SH3D19: variants seen among roughly 807,000 people sequenced by gnomAD.
The protein encoded by SH3D19 is SH3 domain containing 19, also known as SH3 domain-containing protein 19.
Under a neutral mutation model 112.1 loss-of-function variants are expected in SH3D19, and 58 were observed. The ratio of observed to expected loss-of-function variants is 0.52; its 90% CI spans 0.42 to 0.64. The LOEUF (loss-of-function observed/expected upper bound fraction) is 0.64. Among genes scored for constraint, SH3D19 ranks in the 30% least tolerant of loss-of-function variants. SH3D19 has a pLI of 0.00. For synonymous variants in SH3D19, 391 were observed against 448.5 expected, an observed-to-expected ratio of 0.87 and a Z score of 1.62; for missense variants, 1,090 against 1,263.4, an observed-to-expected ratio of 0.86 and a Z score of 2.08.
chr4:151,279,110 T>C (rs1773926325), intron 1 of SH3D19: 1 of 433,978 alleles, frequency 2.3e-6, no homozygotes, highest in South Asian at 1.8e-5. Context: ...GGCCCAAGTA[T>C]AGGCTGACCT....
intron 2 of SH3D19, among the ~76,000 whole-genome samples, chr4:151,211,578 A>T (rs919471232): frequency 4.6e-5 from 1 of 21,946 alleles, no homozygotes; most frequent in Non-Finnish European, 1.2e-3. Context: ...TCTGTTAATT[A>T]AAAAAAAAAA....
In SH3D19 at chr4:151,202,131, C is replaced by T. The variant is rs1019977616; in HGVS notation, c.153-14668G>A. Among the ~76,000 whole-genome samples, 154 of 152,136 alleles carry T rather than the reference C, an allele frequency of 1.0e-3. 2 individuals carry two copies. Among genetic ancestry groups the T allele is most frequent in the Admixed American group, 9.2e-3 (141 of 15,272 alleles). ...CAGGTGGATCACGAGGTCAGGAGAT[C>T]GAGACCATCCTGGTTAACACGGTGA... is the stretch of plus-strand genomic sequence containing the variant. On this transcript the variant is annotated intron_variant, in intron 2 of 19. Coordinates refer to ENST00000604030, the MANE Select transcript of SH3D19 (RefSeq NM_001378122.1).
chr4:151,197,249 C>A (rs903324248), intron 2 of SH3D19, among the ~76,000 whole-genome samples: 1 of 152,152 alleles, frequency 6.6e-6, no homozygotes, highest in African/African-American at 2.4e-5. Context: ...ACATCTAATG[C>A]CTATGCTATT....
At chr4:151,245,051 G>A (rs376257668) in intron 1 of SH3D19, among the ~76,000 whole-genome samples, 2 of 151,996 alleles carry the variant, frequency 1.3e-5, no homozygotes, top group East Asian at 3.9e-4. Flanking sequence ...GGCTGAAGCA[G>A]GAAAATCATT....
chr4:151,203,284 T>C (rs989961480), intron 2 of SH3D19, among the ~76,000 whole-genome samples: 6 of 152,132 alleles, frequency 3.9e-5, no homozygotes, highest in East Asian at 1.9e-4. Context: ...GCAGTGGGGA[T>C]TGGGGCTACT....
At chr4:151,253,462 C>A (rs982654063) in intron 1 of SH3D19, among the ~76,000 whole-genome samples, 1 of 152,182 alleles carries the variant, frequency 6.6e-6, no homozygotes, top group South Asian at 2.1e-4. Context: ...ACTTGTTGGC[C>A]GGGCACAGTG....
intron 1 of SH3D19, among the ~76,000 whole-genome samples, chr4:151,248,604 T>C (rs1312355170): frequency 3.9e-5 from 6 of 152,170 alleles, no homozygotes; most frequent in Non-Finnish European, 7.3e-5. Context: ...TCTAAGAGTA[T>C]TGGAAAAATT....
chr4:151,220,401 GTTCT>G (rs1767832422), intron 2 of SH3D19, among the ~76,000 whole-genome samples: 1 of 152,086 alleles, frequency 6.6e-6, no homozygotes, highest in Non-Finnish European at 1.5e-5. Context: ...TAGATTTAAG[GTTCT>G]TTGTTTTGCC....
intron 6 of SH3D19, among the ~76,000 whole-genome samples, chr4:151,176,081 A>G (rs1759918805): frequency 6.6e-6 from 1 of 152,158 alleles, no homozygotes; most frequent in Non-Finnish European, 1.5e-5. Context: ...CATGTTGCCC[A>G]GGCTGGTCTC....
intron 19 of SH3D19, among the ~76,000 whole-genome samples, chr4:151,123,531 C>T (rs537739801): frequency 3.9e-4 from 60 of 152,238 alleles, no homozygotes; most frequent in African/African-American, 1.3e-3. Flanking sequence ...GGCACGATCT[C>T]GGCTCACTGC....
intron 1 of SH3D19, among the ~76,000 whole-genome samples, chr4:151,255,163 G>A (rs1405031043): frequency 9.9e-5 from 15 of 151,602 alleles, no homozygotes; most frequent in South Asian, 4.2e-4. Flanking sequence ...GGTGGCTGCC[G>A]GGCGGAGACG....
At chr4:151,139,978 A>AACC in intron 12 of SH3D19, 131 bp from the exon 13 acceptor site, 1 of 667,404 alleles carries the variant, frequency 1.5e-6, no homozygotes, top group Non-Finnish European at 2.6e-6. Flanking sequence ...ACATGATGCA[A>AACC]ACCACACAGT....
chr4:151,124,151 G>A (rs930715910), intron 19 of SH3D19, among the ~76,000 whole-genome samples: 10 of 150,996 alleles, frequency 6.6e-5, no homozygotes, highest in East Asian at 3.9e-4. Flanking sequence ...TTGTTGCCCC[G>A]GCTGGAGTGC....
At chr4:151,201,343 T>C (rs945633139) in intron 2 of SH3D19, among the ~76,000 whole-genome samples, 9 of 152,234 alleles carry the variant, frequency 5.9e-5, no homozygotes, top group Non-Finnish European at 1.3e-4. Flanking sequence ...CCATACCCCT[T>C]ATTGCTCCAG....
At chr4:151,133,343 A>AT in intron 15 of SH3D19, 107 bp from the exon 16 acceptor site, 1 of 910,240 alleles carries the variant, frequency 1.1e-6, no homozygotes, top group Admixed American at 2.4e-5. Context: ...TTACCATGGA[A>AT]TAAGGTATAC....
chr4:151,130,913 CT>C (rs1579650229), intron 17 of SH3D19, among the ~76,000 whole-genome samples: 1 of 151,206 alleles, frequency 6.6e-6, no homozygotes, highest in East Asian at 1.9e-4. Context: ...GCACTCCAGC[CT>C]GGGCGACGGA....
intron 1 of SH3D19, among the ~76,000 whole-genome samples, chr4:151,254,963 C>T (rs1164398843): frequency 1.3e-5 from 2 of 150,288 alleles, no homozygotes; most frequent in African/African-American, 4.9e-5. Flanking sequence ...ACGCCCCCAC[C>T]TCCCTCCCGG....
At chr4:151,226,768 C>T (rs1325721630) in intron 1 of SH3D19, among the ~76,000 whole-genome samples, 6 of 152,300 alleles carry the variant, frequency 3.9e-5, no homozygotes, top group South Asian at 2.1e-4. Context: ...AAAATGTCAG[C>T]AGTGCAGAGG....
intron 7 of SH3D19, among the ~76,000 whole-genome samples, chr4:151,169,588 T>G (rs980209804): frequency 2.0e-5 from 3 of 152,196 alleles, no homozygotes; most frequent in East Asian, 3.8e-4. Flanking sequence ...TCACTTTTTA[T>G]GTCTTTTCCT....
Sources: gnomAD v4.1 joint callset for allele counts (sites outside exome capture counted in the v4.1 genomes callset) on GRCh38, gnomAD v4.1.1 for gene constraint, MANE v1.5 for transcripts, NCBI Gene and HGNC (gene_info 2026-07-23, HGNC 2026-07-21) for gene names.